The following LHFPL3 variants were observed in gnomAD, a reference collection of about 807,000 sequenced individuals.
LHFPL3 encodes LHFPL tetraspan subfamily member 3, also known as LHFPL tetraspan subfamily member 3 protein.
In LHFPL3, 5 loss-of-function variants were observed where a neutral mutation model predicts 19.3. The ratio of observed to expected loss-of-function variants is 0.26; its 90% CI spans 0.14 to 0.54. The LOEUF (loss-of-function observed/expected upper bound fraction) is 0.54. Among genes scored for constraint, LHFPL3 ranks in the 20% least tolerant of loss-of-function variants. The pLI is 0.94. For synonymous variants in LHFPL3, 133 were observed against 126.2 expected (o/e 1.05, Z -0.36); for missense variants, 249 against 307.4 (o/e 0.81, Z 1.42).
intron 2 of LHFPL3, among the ~76,000 whole-genome samples, chr7:104,807,819 C>T (rs1187110994): frequency 1.3e-5 from 2 of 152,252 alleles, no homozygotes; most frequent in African/African-American, 4.8e-5. Context: ...CAACCACTCA[C>T]TGAACGTCTA....
At chr7:104,590,799 G>A (rs1001667517) in intron 1 of LHFPL3, among the ~76,000 whole-genome samples, 1 of 152,172 alleles carries the variant, frequency 6.6e-6, no homozygotes, top group Non-Finnish European at 1.5e-5. Flanking sequence ...GGGTGCTCTT[G>A]TATTGGGTGC....
chr7:104,541,140 A>ACACACACACACACACACC, intron 1 of LHFPL3, among the ~76,000 whole-genome samples: 1 of 148,514 alleles, frequency 6.7e-6, no homozygotes, highest in South Asian at 2.1e-4. Context: ...ACACACACAC[A>ACACACACACACACACACC]CACACACAAC....
intron 1 of LHFPL3, among the ~76,000 whole-genome samples, chr7:104,396,025 G>A (rs963410905): frequency 6.6e-6 from 1 of 152,148 alleles, no homozygotes; most frequent in African/African-American, 2.4e-5. Flanking sequence ...AGGGAAGGAC[G>A]CTTTGGAAGA....
chr7:104,752,203 T>G (rs1463339443), intron 2 of LHFPL3, among the ~76,000 whole-genome samples: 5 of 152,120 alleles, frequency 3.3e-5, no homozygotes, highest in African/African-American at 1.2e-4. Flanking sequence ...ATTTTAACGT[T>G]TCAGGATATA....
At chr7:104,460,388 G>A (rs939077295) in intron 1 of LHFPL3, among the ~76,000 whole-genome samples, 7 of 152,154 alleles carry the variant, frequency 4.6e-5, no homozygotes, top group African/African-American at 1.7e-4. Context: ...GCTGGGTCAA[G>A]TAGTAGTTCT....
intron 2 of LHFPL3, among the ~76,000 whole-genome samples, chr7:104,760,585 G>A (rs1402676799): frequency 1.3e-5 from 2 of 151,694 alleles, no homozygotes; most frequent in East Asian, 1.9e-4. Flanking sequence ...TTTTAAAGAA[G>A]TGGCTACATC....
intron 1 of LHFPL3, among the ~76,000 whole-genome samples, chr7:104,666,290 C>T (rs1792336652): frequency 6.6e-6 from 1 of 151,550 alleles, no homozygotes; most frequent in African/African-American, 2.4e-5. Flanking sequence ...ATGTTTATAC[C>T]CATTAATCAA....
chr7:104,409,328 G>C (rs1016495349), intron 1 of LHFPL3, among the ~76,000 whole-genome samples: 3 of 150,090 alleles, frequency 2.0e-5, no homozygotes, highest in Admixed American at 6.6e-5. Context: ...GTGTGTGTGT[G>C]TGTGTGTGTG....
At chr7:104,418,399 G>A (rs1224136044) in intron 1 of LHFPL3, among the ~76,000 whole-genome samples, 1 of 152,122 alleles carries the variant, frequency 6.6e-6, no homozygotes, top group Non-Finnish European at 1.5e-5. Context: ...AGATGTGGTA[G>A]TGTGCACCTG....
intron 2 of LHFPL3, among the ~76,000 whole-genome samples, chr7:104,743,584 A>G (rs1172234205): frequency 6.6e-6 from 1 of 152,196 alleles, no homozygotes; most frequent in East Asian, 1.9e-4. Flanking sequence ...ATAATCAATA[A>G]TATCTACATA....
chr7:104,763,865 T>C (rs1001796722), intron 2 of LHFPL3, among the ~76,000 whole-genome samples: 1 of 152,210 alleles, frequency 6.6e-6, no homozygotes, highest in Non-Finnish European at 1.5e-5. Context: ...AATTCCTGCA[T>C]TACATCCCTT....
At chr7:104,842,386 G>A (rs1238492948) in intron 2 of LHFPL3, among the ~76,000 whole-genome samples, 1 of 152,074 alleles carries the variant, frequency 6.6e-6, no homozygotes, top group Non-Finnish European at 1.5e-5. Context: ...GGCCTGCCTG[G>A]GGAGGGGACT....
At chr7:104,583,594 G>A (rs1790505570) in intron 1 of LHFPL3, among the ~76,000 whole-genome samples, 1 of 152,078 alleles carries the variant, frequency 6.6e-6, no homozygotes, top group Non-Finnish European at 1.5e-5. Context: ...AATCTACGAA[G>A]AACCCAAACA....
At chr7:104,458,852 G>A (rs536721091) in intron 1 of LHFPL3, among the ~76,000 whole-genome samples, 2 of 152,154 alleles carry the variant, frequency 1.3e-5, no homozygotes, top group African/African-American at 4.8e-5. Flanking sequence ...TTTCCATTAG[G>A]TTCTGCTAAT....
At chr7:104,736,130 G>A (rs945272454) in intron 1 of LHFPL3, among the ~76,000 whole-genome samples, 1 of 151,956 alleles carries the variant, frequency 6.6e-6, no homozygotes, top group Non-Finnish European at 1.5e-5. Context: ...GAAAAACAAA[G>A]AAAAGGAAGG....
At chr7:104,802,859 T>C (rs1487524208) in intron 2 of LHFPL3, 1 of 152,174 alleles carries the variant, frequency 6.6e-6, no homozygotes, top group Non-Finnish European at 1.5e-5. Context: ...TAAGCCTGAG[T>C]GGTGTCCCCT....
rs575195351 is a variant in LHFPL3 at position 104,809,324 on chromosome 7, G to A, written c.682+72413G>A. On this transcript the variant is annotated intron_variant, in intron 2 of 2. Coordinates refer to ENST00000424859, the MANE Select transcript of LHFPL3 (RefSeq NM_199000.3). Reference sequence around the variant, plus strand: ...AATGTCAGGTTGCTGAGACAGGCAGGGGTGGTACATATGCCTTGAGATTCT... The same window carrying A: ...AATGTCAGGTTGCTGAGACAGGCAGAGGTGGTACATATGCCTTGAGATTCT... Among the ~76,000 whole-genome samples, 3 of 152,294 alleles carry A rather than the reference G, an allele frequency of 2.0e-5. No individual in the cohort carries two copies. In the South Asian group the frequency reaches 6.2e-4, roughly 32 times the overall value.
chr7:104,748,300 G>A lies in LHFPL3; in HGVS notation c.682+11389G>A, dbSNP rs931192784. Among the ~76,000 whole-genome samples the A allele has an allele frequency of 2.6e-5, 4 of 151,578 alleles. No individual in the cohort carries two copies. In the East Asian group the frequency reaches 5.9e-4, roughly 22 times the overall value. On this transcript the variant is annotated intron_variant, in intron 2 of 2. Transcript: ENST00000424859. Reference sequence around the variant, plus strand: ...TGATAGTCTGAAATATAGCCTCGTGGGAAGGGAAAGACCTGACCGTCCCCC... The same window carrying A: ...TGATAGTCTGAAATATAGCCTCGTGAGAAGGGAAAGACCTGACCGTCCCCC...
chr7:104,402,679 C>A (rs1312111751), intron 1 of LHFPL3, among the ~76,000 whole-genome samples: 5 of 152,182 alleles, frequency 3.3e-5, no homozygotes, highest in Non-Finnish European at 4.4e-5. Context: ...GCCAGGGCCT[C>A]TCCCCAGACT....
Sources: gnomAD v4.1 joint callset for allele counts (sites outside exome capture counted in the v4.1 genomes callset) on GRCh38, gnomAD v4.1.1 for gene constraint, MANE v1.5 for transcripts, NCBI Gene and HGNC (gene_info 2026-07-23, HGNC 2026-07-21) for gene names.